Variants in EYS observed in about 807,000 individuals in gnomAD.
EYS encodes protein eyes shut homolog.
Under a neutral mutation model 282.1 loss-of-function variants are expected in EYS, and 250 were observed. The observed-to-expected ratio is 0.89, with a 90% CI of 0.80 to 0.98. The LOEUF is 0.98. Among genes scored for constraint, EYS ranks in the 50% least tolerant of loss-of-function variants. The pLI, the probability that EYS is intolerant of heterozygous loss-of-function variation, is 0.00. For missense variants in EYS, 4,016 were observed against 3,709.0 expected, an observed-to-expected ratio of 1.08 and a Z score of -2.15; for synonymous variants, 1,355 against 1,282.9, an observed-to-expected ratio of 1.06 and a Z score of -1.20.
intron 2 of EYS, among the ~76,000 whole-genome samples, chr6:65,627,584 C>G (rs143724956): frequency 0.029 from 4,446 of 152,206 alleles, 281 homozygotes; most frequent in East Asian, 0.29. Context: ...AGCTGGAGTT[C>G]CGGGTCAGCT....
chr6:65,406,688 T>A (rs1766753840), intron 5 of EYS, among the ~76,000 whole-genome samples: 1 of 151,970 alleles, frequency 6.6e-6, no homozygotes, highest in African/African-American at 2.4e-5. Flanking sequence ...CCCTCATTTC[T>A]TTGTTTGTTT....
intron 12 of EYS, among the ~76,000 whole-genome samples, chr6:65,206,411 A>G (rs548498011): frequency 6.6e-6 from 1 of 151,840 alleles, no homozygotes; most frequent in Non-Finnish European, 1.5e-5. Context: ...AATTATAAAA[A>G]TAAGCCCAGG....
intron 2 of EYS, among the ~76,000 whole-genome samples, chr6:65,545,140 A>G (rs908065769): frequency 2.0e-5 from 3 of 152,094 alleles, no homozygotes; most frequent in South Asian, 2.1e-4. Flanking sequence ...GATGTTAAAA[A>G]GAAAAAAGTT....
chr6:64,646,983 G>A (rs972545138), intron 22 of EYS, among the ~76,000 whole-genome samples: 3 of 152,044 alleles, frequency 2.0e-5, no homozygotes, highest in Admixed American at 2.0e-4. Flanking sequence ...AAAGAGTAGT[G>A]AATGGAATGT....
intron 34 of EYS, among the ~76,000 whole-genome samples, chr6:63,996,157 G>T (rs1227269185): frequency 6.6e-6 from 1 of 151,822 alleles, no homozygotes. Flanking sequence ...TTAAAAGAAA[G>T]AAATCTTTCA....
intron 12 of EYS, among the ~76,000 whole-genome samples, chr6:65,153,391 G>C (rs1391084667): frequency 1.3e-5 from 2 of 151,142 alleles, no homozygotes; most frequent in African/African-American, 4.9e-5. Context: ...GTGTGTGTGT[G>C]TGTGTGTGTG....
intron 36 of EYS, among the ~76,000 whole-genome samples, chr6:63,808,315 G>A (rs922068096): frequency 7.2e-5 from 11 of 152,196 alleles, no homozygotes; most frequent in Non-Finnish European, 1.2e-4. Context: ...AAGAAGAAAA[G>A]TGAGAGTGGA....
chr6:64,028,438 T>G (rs545798651), intron 33 of EYS, among the ~76,000 whole-genome samples: 3 of 152,204 alleles, frequency 2.0e-5, no homozygotes, highest in Non-Finnish European at 4.4e-5. Context: ...TGGAGAGTAG[T>G]GCAAGATCTT....
intron 31 of EYS, among the ~76,000 whole-genome samples, chr6:64,095,361 G>A (rs951404010): frequency 1.3e-5 from 2 of 152,214 alleles, no homozygotes; most frequent in Non-Finnish European, 2.9e-5. Flanking sequence ...GGGTGTTAAA[G>A]TCTCCCATTA....
intron 30 of EYS, among the ~76,000 whole-genome samples, chr6:64,296,590 ATATATATATTT>A (rs1561913854): frequency 2.1e-4 from 1 of 4,658 alleles, no homozygotes; most frequent in African/African-American, 8.2e-4. Context: ...ATATACATAT[ATATATATATTT>A]TTTTTTTTTT....
intron 36 of EYS, among the ~76,000 whole-genome samples, chr6:63,830,891 G>T (rs916713829): frequency 3.3e-5 from 5 of 152,216 alleles, no homozygotes; most frequent in African/African-American, 4.8e-5. Context: ...TTAAAGCCAG[G>T]AGAGAGTGGA....
chr6:63,822,401 C>T (rs1030999268), intron 36 of EYS: 8 of 152,170 alleles, frequency 5.3e-5, no homozygotes, highest in African/African-American at 1.9e-4. Flanking sequence ...CATGAGCCAC[C>T]ACACCTGGCC....
chr6:63,805,470 C>G (rs1413690304), intron 37 of EYS, among the ~76,000 whole-genome samples: 2 of 152,178 alleles, frequency 1.3e-5, no homozygotes, highest in Non-Finnish European at 2.9e-5. Flanking sequence ...TTTCCCTTCT[C>G]TCTTCAGACA....
At chr6:64,650,394 CAATG>C (rs930786190) in intron 22 of EYS, among the ~76,000 whole-genome samples, 10 of 151,788 alleles carry the variant, frequency 6.6e-5, no homozygotes, top group Admixed American at 4.6e-4. Flanking sequence ...ATCCCTTGAA[CAATG>C]AGTAGAAAAC....
intron 22 of EYS, among the ~76,000 whole-genome samples, chr6:64,804,111 A>G (rs1017855276): frequency 9.0e-4 from 137 of 152,162 alleles, no homozygotes; most frequent in Non-Finnish European, 2.8e-4. Flanking sequence ...CACACCTACA[A>G]TCAAAATTAT....
intron 24 of EYS, among the ~76,000 whole-genome samples, chr6:64,596,201 C>G (rs143209531): frequency 2.0e-4 from 30 of 151,986 alleles, no homozygotes; most frequent in Non-Finnish European, 4.1e-4. Context: ...TTCCTCCCCC[C>G]AGGCCACATC....
At chr6:64,246,175 TC>T (rs1323876510) in intron 30 of EYS, among the ~76,000 whole-genome samples, 2 of 126,812 alleles carry the variant, frequency 1.6e-5, no homozygotes, top group African/African-American at 6.4e-5. Flanking sequence ...TCCTTAGGCA[TC>T]CTTTTTTTTT....
chr6:64,979,821 C>A (rs112923909), intron 14 of EYS, among the ~76,000 whole-genome samples: 1 of 151,498 alleles, frequency 6.6e-6, no homozygotes, highest in African/African-American at 2.4e-5. Context: ...AAAAGATATA[C>A]TATTGTATAG....
chr6:64,529,186 C>T (rs1178674107), intron 26 of EYS, among the ~76,000 whole-genome samples: 1 of 152,034 alleles, frequency 6.6e-6, no homozygotes, highest in Non-Finnish European at 1.5e-5. Context: ...ATGCCTAACT[C>T]TTTGTGTCCT....
Sources: allele counts gnomAD v4.1 joint callset (sites outside exome capture counted in the v4.1 genomes callset), GRCh38; gene constraint gnomAD v4.1.1; transcripts MANE v1.5; gene names NCBI Gene and HGNC (gene_info 2026-07-23, HGNC 2026-07-21).